Variants in ZNF469 observed in about 807,000 individuals in gnomAD.
ZNF469 encodes the protein zinc finger protein 469.
A neutral mutation model predicts 1.0 loss-of-function variants in ZNF469; 1 was observed. The ratio of observed to expected loss-of-function variants is 1.00; its 90% CI spans 0.35 to 4.73. The LOEUF (loss-of-function observed/expected upper bound fraction) is 4.73. ZNF469 is among the 30% of genes most tolerant of loss of function. The probability of loss-of-function intolerance (pLI) is 0.16; values close to 1 mark genes in which losing one functional copy is unlikely to be tolerated. For synonymous variants in ZNF469, 2,703 were observed against 2,363.4 expected, an observed-to-expected ratio of 1.14 and a Z score of -4.17; for missense variants, 6,100 against 5,356.3, an observed-to-expected ratio of 1.14 and a Z score of -4.33.
At chr16:88,200,853 C>T in the ZNF469 span, among the ~76,000 whole-genome samples, 9 of 152,378 alleles carry the variant, frequency 5.9e-5, no homozygotes, top group African/African-American at 1.9e-4. Context: ...AAGGGGTCCC[C>T]GCCCTCCCAC....
chr16:88,338,432 A>G, the ZNF469 span, among the ~76,000 whole-genome samples: 6 of 152,186 alleles, frequency 3.9e-5, no homozygotes, highest in Non-Finnish European at 8.8e-5. Context: ...CGACTTGATG[A>G]GGAGAGGTGG....
At chr16:88,274,586 G>A in the ZNF469 span, among the ~76,000 whole-genome samples, 10 of 152,356 alleles carry the variant, frequency 6.6e-5, no homozygotes, top group South Asian at 1.2e-3. Context: ...AGGGCAGGCC[G>A]TGTCCTGATT....
At chr16:88,235,862 C>G in the ZNF469 span, among the ~76,000 whole-genome samples, 17 of 152,168 alleles carry the variant, frequency 1.1e-4, no homozygotes, top group African/African-American at 3.1e-4. Flanking sequence ...ACTATGGGGA[C>G]AGGAGGTTCA....
At chr16:88,142,664 A>G in the ZNF469 span, among the ~76,000 whole-genome samples, 1 of 152,222 alleles carries the variant, frequency 6.6e-6, no homozygotes, top group African/African-American at 2.4e-5. Context: ...TGCCTGGTCT[A>G]TAAAGCACAT....
chr16:88,304,613 C>G, the ZNF469 span, among the ~76,000 whole-genome samples: 1 of 152,232 alleles, frequency 6.6e-6, no homozygotes, highest in African/African-American at 2.4e-5. Flanking sequence ...CTTCTGCTCT[C>G]TGTGGCATGC....
chr16:88,137,107 T>C, the ZNF469 span, among the ~76,000 whole-genome samples: 1 of 152,192 alleles, frequency 6.6e-6, no homozygotes, highest in Non-Finnish European at 1.5e-5. Context: ...GTGCAAGTCA[T>C]GTGTGCATAC....
At chr16:88,153,109 C>T in the ZNF469 span, among the ~76,000 whole-genome samples, 6 of 152,234 alleles carry the variant, frequency 3.9e-5, no homozygotes, top group Admixed American at 2.6e-4. Context: ...GGCAGGTTGG[C>T]GGGGCCGGGG....
the ZNF469 span, among the ~76,000 whole-genome samples, chr16:88,329,786 C>A: frequency 3.9e-5 from 6 of 152,228 alleles, no homozygotes; most frequent in South Asian, 2.1e-4. Flanking sequence ...GGGGCAGCAA[C>A]CCCAAGGTGA....
chr16:88,391,715 G>A (rs1379881721), intron 1 of ZNF469, among the ~76,000 whole-genome samples: 4 of 152,244 alleles, frequency 2.6e-5, no homozygotes, highest in South Asian at 2.1e-4. Context: ...CAGGAGATGC[G>A]AGGGGACAGG....
At position 88,437,685 on chromosome 16, in the gene ZNF469, G is replaced by A. The variant is rs764956489; in HGVS notation, c.10215G>A (p.Glu3405=). The change falls in exon 3 of 3, where the codon GAG becomes GAA. Residue 3405 remains glutamate (E), a synonymous_variant. Coordinates refer to ENST00000565624, the MANE Select transcript of ZNF469 (RefSeq NM_001367624.2). ...ELQHTPLYAC[E]LCATVMRIIK... ...AGCACACGCCGCTGTATGCCTGCGAGCTCTGCGCCACGGTTATGCGCATCA... is the reference window on the plus strand; with the variant it reads ...AGCACACGCCGCTGTATGCCTGCGAACTCTGCGCCACGGTTATGCGCATCA... 2 of 1,549,576 alleles carry A rather than the reference G, an allele frequency of 1.3e-6. No homozygotes were observed. The highest frequency in any genetic ancestry group is 1.7e-6 in the Non-Finnish European group (2 of 1,146,458).
At chr16:88,166,950 G>A in the ZNF469 span, among the ~76,000 whole-genome samples, 6 of 151,956 alleles carry the variant, frequency 3.9e-5, no homozygotes, top group East Asian at 1.9e-4. The surrounding 1 kb of genome is among the most constrained non-coding windows in gnomAD (Gnocchi z 4.5). Flanking sequence ...AGGGGCTGGC[G>A]AGCTCACGGT....
At chr16:88,117,629 T>G in the ZNF469 span, among the ~76,000 whole-genome samples, 49 of 22,118 alleles carry the variant, frequency 2.2e-3, no homozygotes, top group African/African-American at 6.4e-3. Context: ...CGTGTCTTCA[T>G]GGACCGTGGG....
chr16:88,231,698 T>A, the ZNF469 span, among the ~76,000 whole-genome samples: 1 of 152,052 alleles, frequency 6.6e-6, no homozygotes, highest in African/African-American at 2.4e-5. The surrounding 1 kb of genome is among the most constrained non-coding windows in gnomAD (Gnocchi z 4.5). Context: ...CACCTCCTCC[T>A]CCTGTGAGCC....
the ZNF469 span, among the ~76,000 whole-genome samples, chr16:88,263,802 G>A: frequency 6.6e-6 from 1 of 152,040 alleles, no homozygotes; most frequent in African/African-American, 2.4e-5. Context: ...AGGAGGAGAG[G>A]AGGCCTGCTG....
At chr16:88,123,036 G>A in the ZNF469 span, among the ~76,000 whole-genome samples, 1 of 151,986 alleles carries the variant, frequency 6.6e-6, no homozygotes, top group African/African-American at 2.4e-5. Flanking sequence ...CTCTTTGTTG[G>A]CTATCACTTT....
the ZNF469 span, among the ~76,000 whole-genome samples, chr16:88,164,018 T>C: frequency 1.3e-5 from 2 of 150,602 alleles, no homozygotes; most frequent in African/African-American, 4.9e-5. Flanking sequence ...GATGGGTAGA[T>C]GGATGAATGG....
At chr16:88,349,325 T>G in the ZNF469 span, among the ~76,000 whole-genome samples, 5 of 152,056 alleles carry the variant, frequency 3.3e-5, no homozygotes, top group South Asian at 1.0e-3. Flanking sequence ...GCATGGGACA[T>G]GCACATGAGC....
chr16:88,204,134 T>TAACCCCACAGAGCAGCCGGAGGCGCC, the ZNF469 span, among the ~76,000 whole-genome samples: 3 of 143,378 alleles, frequency 2.1e-5, no homozygotes, highest in Non-Finnish European at 3.1e-5. Flanking sequence ...CCGGAGGCGC[T>TAACCCCACAGAGCAGCCGGAGGCGCC]CCGTAACCCC....
At chr16:88,400,118 A>G (rs1461256672) in intron 1 of ZNF469, among the ~76,000 whole-genome samples, 1 of 152,234 alleles carries the variant, frequency 6.6e-6, no homozygotes, top group African/African-American at 2.4e-5. Flanking sequence ...AGCAAATGCC[A>G]TCATGCCATC....
Sources: gnomAD v4.1 joint callset for allele counts (sites outside exome capture counted in the v4.1 genomes callset) on GRCh38, gnomAD v4.1.1 for gene constraint, Gnocchi (gnomAD v3.1) non-coding constraint, MANE v1.5 for transcripts, NCBI Gene and HGNC (gene_info 2026-07-23, HGNC 2026-07-21) for gene names.